PRKCB: variants seen among roughly 807,000 people sequenced by gnomAD.
PRKCB encodes the protein protein kinase C beta type.
In PRKCB, 13 loss-of-function variants were observed where a neutral mutation model predicts 81.5. The observed-to-expected ratio is 0.16, with a 90% CI of 0.10 to 0.25. The LOEUF (loss-of-function observed/expected upper bound fraction) is 0.25. PRKCB is among the 10% of genes least tolerant of loss of function. The probability of loss-of-function intolerance (pLI) is 1.00; values close to 1 mark genes in which losing one functional copy is unlikely to be tolerated. For synonymous variants in PRKCB, 335 were observed against 321.4 expected (o/e 1.04, Z -0.45); for missense variants, 509 against 875.7 (o/e 0.58, Z 5.29).
chr16:24,151,104 T>G (rs1967074743), intron 9 of PRKCB, among the ~76,000 whole-genome samples: 2 of 152,242 alleles, frequency 1.3e-5, no homozygotes, highest in African/African-American at 4.8e-5. Flanking sequence ...GAAATAAAAT[T>G]AAATCACGTT....
chr16:23,850,193 C>T (rs958289653), intron 2 of PRKCB, among the ~76,000 whole-genome samples: 88 of 152,036 alleles, frequency 5.8e-4, no homozygotes, highest in Middle Eastern at 3.4e-3. Context: ...TGTGTGTATA[C>T]ACCATACTTT....
intron 9 of PRKCB, among the ~76,000 whole-genome samples, chr16:24,142,003 A>G (rs758420461): frequency 4.6e-5 from 7 of 152,164 alleles, no homozygotes; most frequent in Non-Finnish European, 1.0e-4. Context: ...GTGCCTTCAA[A>G]TTAATAATTA....
chr16:24,189,095 G>A (rs527582285), intron 15 of PRKCB, among the ~76,000 whole-genome samples: 5 of 152,110 alleles, frequency 3.3e-5, no homozygotes, highest in Non-Finnish European at 7.4e-5. Context: ...TCCTGACAAA[G>A]CCAGGCCACA....
chr16:24,104,803 G>A (rs1287823182), intron 7 of PRKCB, among the ~76,000 whole-genome samples: 3 of 152,170 alleles, frequency 2.0e-5, no homozygotes, highest in Non-Finnish European at 2.9e-5. Context: ...TCCATGAGGG[G>A]AGAGTGGAGG....
chr16:23,961,984 A>G (rs915026030), intron 2 of PRKCB, among the ~76,000 whole-genome samples: 1 of 152,158 alleles, frequency 6.6e-6, no homozygotes, highest in Admixed American at 6.5e-5. Context: ...CGCAAAGGAA[A>G]GTCAAAGTGC....
At chr16:24,060,008 G>A (rs769086625) in intron 5 of PRKCB, among the ~76,000 whole-genome samples, 1 of 152,174 alleles carries the variant, frequency 6.6e-6, no homozygotes, top group African/African-American at 2.4e-5. Flanking sequence ...GAGAATTTGG[G>A]TTGTGGAAGA....
chr16:24,189,850 C>A (rs1417457673), intron 15 of PRKCB, among the ~76,000 whole-genome samples: 1 of 152,134 alleles, frequency 6.6e-6, no homozygotes, highest in Non-Finnish European at 1.5e-5. Context: ...TCAGCAAGTC[C>A]TGGGCAGAAG....
At chr16:24,129,967 A>G (rs1461286752) in intron 9 of PRKCB, among the ~76,000 whole-genome samples, 2 of 152,196 alleles carry the variant, frequency 1.3e-5, no homozygotes, top group African/African-American at 4.8e-5. Context: ...GGATTCCACA[A>G]GTAACATTTG....
At position 23,865,559 on chromosome 16, in the gene PRKCB, GTGTGTGTGTGTATA is replaced by G. The variant is rs1185563015; in HGVS notation, c.205+28157_205+28170del. 9.8e-3 allele frequency among the ~76,000 whole-genome samples: 144 copies of G among 14,688 alleles called. 2 individuals are homozygous for G. The highest frequency in any genetic ancestry group is 0.025 in the African/African-American group (129 of 5,068). 9.6% of individuals were successfully genotyped at this position (14,688 alleles called of 152,430 possible). On this transcript the variant is annotated intron_variant, in intron 2 of 16. Coordinates refer to ENST00000643927, the MANE Select transcript of PRKCB (RefSeq NM_002738.7). Reference sequence around the variant, plus strand: ...TGTGTGTGTGTGTGTGTGTGTGTGTGTGTGTGTGTGTATATGTATATTTAAATTTTTATATATAA... The same window carrying G: ...TGTGTGTGTGTGTGTGTGTGTGTGTGTGTATATTTAAATTTTTATATATAA...
At chr16:24,136,389 A>T (rs917643417) in intron 9 of PRKCB, among the ~76,000 whole-genome samples, 2 of 152,178 alleles carry the variant, frequency 1.3e-5, no homozygotes, top group Non-Finnish European at 1.5e-5. Context: ...TGCTGAGAAG[A>T]CATGGCTTGT....
chr16:23,981,716 C>G (rs1413058069), intron 2 of PRKCB, among the ~76,000 whole-genome samples: 5 of 91,866 alleles, frequency 5.4e-5, no homozygotes, highest in African/African-American at 2.3e-4. Flanking sequence ...CTTCCCTTTC[C>G]CTTCCCCTTC....
chr16:24,045,880 C>A (rs914916659), intron 5 of PRKCB, among the ~76,000 whole-genome samples: 1 of 152,260 alleles, frequency 6.6e-6, no homozygotes, highest in Non-Finnish European at 1.5e-5. Context: ...CGCTTGGCTC[C>A]TGCGCAGACC....
At chr16:23,875,591 A>ATACACATATATGTATGTATAT (rs1962989876) in intron 2 of PRKCB, among the ~76,000 whole-genome samples, 8 of 101,080 alleles carry the variant, frequency 7.9e-5, no homozygotes, top group Non-Finnish European at 1.4e-4. Flanking sequence ...TATGTATATC[A>ATACACATATATGTATGTATAT]CACACATATG....
chr16:24,021,072 C>CTCCCTCCTTTCTTTCT lies in PRKCB; in HGVS notation c.289-11063_289-11062insCCCTCCTTTCTTTCTT. Among the ~76,000 whole-genome samples, 569 of 94,466 alleles carry CTCCCTCCTTTCTTTCT rather than the reference C, an allele frequency of 6.0e-3. 25 individuals carry two copies. Among genetic ancestry groups the CTCCCTCCTTTCTTTCT allele is most frequent in the African/African-American group, 0.021 (493 of 23,468 alleles). 62.0% of individuals were successfully genotyped at this position (94,466 alleles called of 152,430 possible). On this transcript the variant is annotated intron_variant, in intron 3 of 16. Coordinates refer to ENST00000643927, the MANE Select transcript of PRKCB (RefSeq NM_002738.7). ...TTTCTTTCTTTCCCTCCCTCCCTCC[C>CTCCCTCCTTTCTTTCT]TTCTTTCTTTCTTTCTTTTTTTCTT...
intron 2 of PRKCB, among the ~76,000 whole-genome samples, chr16:23,945,373 T>C (rs1964191504): frequency 6.6e-6 from 1 of 152,202 alleles, no homozygotes; most frequent in African/African-American, 2.4e-5. Context: ...CTGCCACTGT[T>C]GGGATGTCTT....
intron 2 of PRKCB, among the ~76,000 whole-genome samples, chr16:23,909,813 G>A (rs750693913): frequency 2.6e-5 from 4 of 152,084 alleles, no homozygotes; most frequent in Admixed American, 6.6e-5. Flanking sequence ...GTAGTATTCT[G>A]TGGTGTATAT....
chr16:23,894,217 C>T (rs1318086300), intron 2 of PRKCB, among the ~76,000 whole-genome samples: 2 of 152,204 alleles, frequency 1.3e-5, no homozygotes, highest in Admixed American at 1.3e-4. Context: ...GGTTGCATCA[C>T]ATTTGCTTCT....
intron 5 of PRKCB, among the ~76,000 whole-genome samples, chr16:24,042,206 C>T (rs934193964): frequency 2.0e-5 from 3 of 152,288 alleles, no homozygotes; most frequent in South Asian, 2.1e-4. Context: ...AACTAGGCCG[C>T]GAGGGCCCAC....
intron 9 of PRKCB, among the ~76,000 whole-genome samples, chr16:24,138,831 C>G (rs1341619872): frequency 7.0e-6 from 1 of 142,442 alleles, no homozygotes; most frequent in East Asian, 2.2e-4. Flanking sequence ...TATGTGAGAT[C>G]ATACAGTATT....
Sources: gnomAD v4.1 joint callset for allele counts (sites outside exome capture counted in the v4.1 genomes callset) on GRCh38, gnomAD v4.1.1 for gene constraint, MANE v1.5 for transcripts, NCBI Gene and HGNC (gene_info 2026-07-23, HGNC 2026-07-21) for gene names.